GSK3B: variants seen among roughly 807,000 people sequenced by gnomAD.
GSK3B encodes glycogen synthase kinase 3 beta, also known as glycogen synthase kinase-3 beta.
In GSK3B, 15 loss-of-function variants were observed where a neutral mutation model predicts 56.4. That is an observed-to-expected ratio of 0.27 (90% CI 0.18 to 0.41). GSK3B has a LOEUF of 0.41. Ranked by LOEUF, GSK3B falls within the 10% of genes least tolerant of loss-of-function variation. The pLI is 1.00. For synonymous variants in GSK3B, 181 were observed against 188.9 expected, an observed-to-expected ratio of 0.96 and a Z score of 0.34; for missense variants, 300 against 513.4, an observed-to-expected ratio of 0.58 and a Z score of 4.02.
At chr3:120,019,524 G>C (rs887281312) in intron 1 of GSK3B, among the ~76,000 whole-genome samples, 3 of 152,124 alleles carry the variant, frequency 2.0e-5, no homozygotes, top group African/African-American at 7.2e-5. Context: ...ACACATCCTA[G>C]GTTACTCTGT....
At chr3:119,899,136 T>C (rs2056601256) in intron 7 of GSK3B, among the ~76,000 whole-genome samples, 1 of 152,064 alleles carries the variant, frequency 6.6e-6, no homozygotes, top group African/African-American at 2.4e-5. Flanking sequence ...TGTCGATGAC[T>C]AACGGGCAGG....
At chr3:120,037,520 C>T (rs2058032911) in intron 1 of GSK3B, among the ~76,000 whole-genome samples, 1 of 151,872 alleles carries the variant, frequency 6.6e-6, no homozygotes, top group Non-Finnish European at 1.5e-5. Context: ...TTAAGCAAGC[C>T]GGTAGTGTGT....
intron 2 of GSK3B, among the ~76,000 whole-genome samples, chr3:119,979,723 T>C (rs1193352001): frequency 6.6e-6 from 1 of 152,238 alleles, no homozygotes; most frequent in Non-Finnish European, 1.5e-5. Context: ...TTGCAACTCT[T>C]GGTGCATATG....
At chr3:120,048,167 C>T (rs2058119064) in intron 1 of GSK3B, among the ~76,000 whole-genome samples, 1 of 152,192 alleles carries the variant, frequency 6.6e-6, no homozygotes, top group Admixed American at 6.5e-5. Context: ...AAACCAAACT[C>T]TTACCTCAAC....
intron 7 of GSK3B, among the ~76,000 whole-genome samples, chr3:119,879,864 C>A (rs2056360140): frequency 1.3e-5 from 2 of 152,162 alleles, no homozygotes; most frequent in Admixed American, 1.3e-4. Context: ...CATGAAGTGT[C>A]CATGCTGATG....
chr3:120,000,332 A>G (rs1277484590), intron 2 of GSK3B, among the ~76,000 whole-genome samples: 2 of 152,248 alleles, frequency 1.3e-5, no homozygotes, highest in South Asian at 2.1e-4. Context: ...ACAATTTGAG[A>G]TAACAGTACA....
chr3:119,928,604 CAAAAAAATAAAAA>C (rs2056910904), intron 3 of GSK3B, among the ~76,000 whole-genome samples: 15 of 28,640 alleles, frequency 5.2e-4, no homozygotes, highest in East Asian at 4.7e-3. Context: ...GACTCCATAT[CAAAAAAATAAAAA>C]AAAAAAAAAA....
intron 1 of GSK3B, among the ~76,000 whole-genome samples, chr3:120,018,520 T>C (rs1454798346): frequency 1.3e-5 from 2 of 152,224 alleles, no homozygotes; most frequent in African/African-American, 4.8e-5. Context: ...CACTACAGTT[T>C]AGACTGTGTA....
At chr3:119,960,694 T>C (rs746976355) in intron 2 of GSK3B, among the ~76,000 whole-genome samples, 6 of 152,210 alleles carry the variant, frequency 3.9e-5, no homozygotes, top group Non-Finnish European at 7.3e-5. Flanking sequence ...TCTCACACTA[T>C]TTAAAATTGC....
At chr3:120,092,132 G>C (rs1319647814) in intron 1 of GSK3B, among the ~76,000 whole-genome samples, 2 of 152,048 alleles carry the variant, frequency 1.3e-5, no homozygotes, top group Non-Finnish European at 2.9e-5. Flanking sequence ...GTTAAATTCT[G>C]CAAGTATGTT....
intron 2 of GSK3B, among the ~76,000 whole-genome samples, chr3:119,965,334 G>C (rs1325561016): frequency 2.7e-5 from 4 of 150,852 alleles, no homozygotes; most frequent in Non-Finnish European, 4.4e-5. Context: ...GAAGTGCTGA[G>C]ACTACAGGTG....
intron 6 of GSK3B, among the ~76,000 whole-genome samples, chr3:119,906,180 T>C (rs147644744): frequency 2.6e-5 from 4 of 152,172 alleles, no homozygotes; most frequent in Non-Finnish European, 5.9e-5. Flanking sequence ...TTATCTTACT[T>C]AAAAATAAGT....
At chr3:119,896,786 C>T (rs1367344431) in intron 7 of GSK3B, among the ~76,000 whole-genome samples, 2 of 152,114 alleles carry the variant, frequency 1.3e-5, no homozygotes, top group African/African-American at 2.4e-5. Context: ...TGCTATCAAC[C>T]TGACAGATTT....
intron 6 of GSK3B, among the ~76,000 whole-genome samples, chr3:119,909,221 G>A (rs564548021): frequency 6.6e-6 from 1 of 152,220 alleles, no homozygotes; most frequent in African/African-American, 2.4e-5. Context: ...ATGTTGCCCA[G>A]GCTGGTCTCG....
intron 2 of GSK3B, among the ~76,000 whole-genome samples, chr3:119,996,040 A>G (rs2057614554): frequency 6.6e-6 from 1 of 152,240 alleles, no homozygotes; most frequent in African/African-American, 2.4e-5. Context: ...TCCTGGCCTA[A>G]GCCTGAAATT....
chr3:119,966,426 C>T (rs2057318701), intron 2 of GSK3B, among the ~76,000 whole-genome samples: 1 of 152,164 alleles, frequency 6.6e-6, no homozygotes, highest in South Asian at 2.1e-4. Context: ...CATCCTACAT[C>T]TTACCAAGAA....
Position 119,821,858 on chromosome 3 carries a change from A to T in GSK3B, c.*4930T>A, listed in dbSNP as rs1306779051. On this transcript the variant is annotated 3_prime_UTR_variant, in exon 11 of 11. Transcript: ENST00000264235. The stretch of plus-strand genomic sequence containing the variant: ...AGATTAATGTTTCCCTAATTAGAGG[A>T]ATGGAAATGGTGATGTGACTACATA... 1.7e-5 allele frequency: 3 copies of T among 171,934 alleles called. No homozygotes were observed. Among genetic ancestry groups the T allele is most frequent in the South Asian group, 4.0e-4 (2 of 4,998 alleles). 10.7% of individuals were successfully genotyped at this position (171,934 alleles called of 1,614,324 possible).
Position 120,083,370 on chromosome 3 carries a change from A to C in GSK3B, c.88+9977T>G, listed in dbSNP as rs143571073. Among the ~76,000 whole-genome samples the C allele has an allele frequency of 7.7e-3, 1,165 of 152,272 alleles. 10 individuals carry two copies. The highest frequency in any genetic ancestry group is 0.012 in the Non-Finnish European group (837 of 68,010). On this transcript the variant is annotated intron_variant, in intron 1 of 10. Transcript: ENST00000264235. ...GAGAACAACTAGATCAGATCCCAGC[A>C]GTTGGACGAGGGCTCCAGGAAAAAG...
chr3:119,829,302 C>CTTA (rs1294572513), intron 10 of GSK3B, among the ~76,000 whole-genome samples: 2 of 152,162 alleles, frequency 1.3e-5, no homozygotes, highest in Admixed American at 6.5e-5. Flanking sequence ...CAAACCCATG[C>CTTA]TTATTGCAGC....
Sources: gnomAD v4.1 joint callset for allele counts (sites outside exome capture counted in the v4.1 genomes callset) on GRCh38, gnomAD v4.1.1 for gene constraint, MANE v1.5 for transcripts, NCBI Gene and HGNC (gene_info 2026-07-23, HGNC 2026-07-21) for gene names.